Variants in PTPRQ observed in about 807,000 individuals in gnomAD.
PTPRQ encodes the protein protein tyrosine phosphatase receptor type Q.
In PTPRQ, 199 loss-of-function variants were observed where a neutral mutation model predicts 246.0. The observed-to-expected ratio is 0.81, with a 90% CI of 0.72 to 0.91. PTPRQ has a LOEUF of 0.91. Ranked by LOEUF, PTPRQ falls within the 40% of genes least tolerant of loss-of-function variation. The probability of loss-of-function intolerance (pLI) is 0.00; values close to 1 mark genes in which losing one functional copy is unlikely to be tolerated. For missense variants in PTPRQ, 2,624 were observed against 2,528.4 expected (o/e 1.04, Z -0.81); for synonymous variants, 869 against 853.2 (o/e 1.02, Z -0.32).
chr12:80,639,838 T>G (rs1339874508), intron 35 of PTPRQ, among the ~76,000 whole-genome samples: 1 of 152,210 alleles, frequency 6.6e-6, no homozygotes, highest in Non-Finnish European at 1.5e-5. Context: ...ACTCCTGTGT[T>G]AAACTCTGCA....
At position 80,459,560 on chromosome 12, in the gene PTPRQ, A is replaced by G. The variant is rs114961525; in HGVS notation, c.660+77A>G. 964 of 397,380 alleles carry G rather than the reference A, an allele frequency of 2.4e-3. 9 individuals are homozygous for G. The highest frequency in any genetic ancestry group is 0.018 in the African/African-American group (893 of 48,722). 24.6% of individuals were successfully genotyped at this position (397,380 alleles called of 1,614,324 possible). A position where few individuals can be genotyped will look rare whatever the true frequency, so the allele number is the denominator to read the frequency against. On this transcript the variant is annotated intron_variant, in intron 5 of 44. Coordinates refer to ENST00000644991, the MANE Select transcript of PTPRQ (RefSeq NM_001145026.2). ...ATTTTCATATTTCTAGCATCTAGAT[A>G]CTATATTTTTACCAAAGTTTTATTA...
chr12:80,455,296 T>TA (rs1419576732), intron 3 of PTPRQ, among the ~76,000 whole-genome samples: 2 of 152,198 alleles, frequency 1.3e-5, no homozygotes, highest in Admixed American at 1.3e-4. Context: ...GTTAATTATT[T>TA]AAAAAAACTT....
chr12:80,495,363 T>C lies in PTPRQ; in HGVS notation c.1874T>C (p.Leu625Pro), dbSNP rs1475718157. The C allele has an allele frequency of 1.4e-5, 21 of 1,502,624 alleles. No individual in the cohort carries two copies. The East Asian group carries it at 4.7e-4, about 34-fold the overall frequency. The allele number at this position is 1,502,624 out of a possible 1,614,324, so 93.1% of individuals were successfully genotyped here. Residue 625 changes from leucine (L) to proline (P), a missense_variant, in exon 12 of 45, where the codon CTC becomes CCC. By Grantham distance (98) the Leu-to-Pro change is moderately conservative (BLOSUM62 -3). Coordinates refer to ENST00000644991, the MANE Select transcript of PTPRQ (RefSeq NM_001145026.2). ...FQITTIDNSFLITGLKKYTKY... is the reference protein window; with the variant it reads ...FQITTIDNSFPITGLKKYTKY... ...ATAACTACCATAGATAACAGCTTTC[T>C]CATAACAGGTAGAAAACAATGTTTT...
At position 80,546,544 on chromosome 12, in the gene PTPRQ, T is replaced by C; in HGVS notation, c.3874-12T>C. Reference sequence around the variant, plus strand: ...CAGTGCATTAACTAATAACTTTTTTTCTGTTTTTCAGAATATATCAGGATT... The same window carrying C: ...CAGTGCATTAACTAATAACTTTTTTCCTGTTTTTCAGAATATATCAGGATT... On this transcript the variant is annotated splice_polypyrimidine_tract_variant and intron_variant, in intron 23 of 44. Transcript: ENST00000644991. 1.3e-6 allele frequency: 2 copies of C among 1,535,046 alleles called. No individual in the cohort carries two copies. Among genetic ancestry groups the C allele is most frequent in the African/African-American group, 2.8e-5 (2 of 72,122 alleles).
At position 80,493,406 on chromosome 12, in the gene PTPRQ, T is replaced by A. The variant is rs1168925260; in HGVS notation, c.1491T>A (p.Asp497Glu). Residue 497 changes from aspartate (D) to glutamate (E), a missense_variant, in exon 10 of 45, where the codon GAT becomes GAA. Physicochemically the swap from Asp to Glu is conservative, Grantham distance 45. Coordinates refer to ENST00000644991, the MANE Select transcript of PTPRQ (RefSeq NM_001145026.2). ...CATTTATATATAACAGCCATCCAGA[T>A]AAAAACTTTCCTGCAAGGAATAGAG... ...LATFIYNSHP[D>E]KNFPARNRAE... 1.2e-5 allele frequency: 18 copies of A among 1,550,034 alleles called. No homozygotes were observed. Among genetic ancestry groups the A allele is most frequent in the African/African-American group, 2.7e-5 (2 of 72,920 alleles).
At chr12:80,456,473 GATTA>G (rs369689570) in intron 3 of PTPRQ, among the ~76,000 whole-genome samples, 67 of 152,214 alleles carry the variant, frequency 4.4e-4, no homozygotes, top group African/African-American at 1.5e-3. Flanking sequence ...TACACATTCA[GATTA>G]ATTAACATGT....
At chr12:80,642,775 C>T (rs908576330) in intron 35 of PTPRQ, among the ~76,000 whole-genome samples, 2 of 150,728 alleles carry the variant, frequency 1.3e-5, no homozygotes, top group African/African-American at 4.9e-5. Context: ...AAAAAATTAG[C>T]CGGGCGTAGT....
intron 17 of PTPRQ, among the ~76,000 whole-genome samples, chr12:80,532,886 T>TAAATAAC (rs1379413687): frequency 6.6e-6 from 1 of 152,224 alleles, no homozygotes; most frequent in Non-Finnish European, 1.5e-5. Flanking sequence ...TTGGTGCTTC[T>TAAATAAC]GTGGCAGTAA....
chr12:80,647,185 A>G (rs1463473781), intron 35 of PTPRQ, among the ~76,000 whole-genome samples: 1 of 152,170 alleles, frequency 6.6e-6, no homozygotes, highest in Admixed American at 6.5e-5. Context: ...GTCCTTATAT[A>G]GGTGGACTAC....
At chr12:80,635,700 T>C (rs924244733) in intron 35 of PTPRQ, among the ~76,000 whole-genome samples, 9 of 152,100 alleles carry the variant, frequency 5.9e-5, no homozygotes, top group African/African-American at 2.2e-4. Flanking sequence ...ATAAATCCTT[T>C]TAAAAGCATT....
At chr12:80,471,802 A>G (rs12301250) in intron 7 of PTPRQ, among the ~76,000 whole-genome samples, 67 of 152,160 alleles carry the variant, frequency 4.4e-4, no homozygotes, top group Middle Eastern at 3.4e-3. Context: ...TGAACTGATA[A>G]AATTTGATGC....
intron 8 of PTPRQ, among the ~76,000 whole-genome samples, chr12:80,483,466 T>C (rs1462717374): frequency 6.6e-6 from 1 of 150,816 alleles, no homozygotes; most frequent in Non-Finnish European, 1.5e-5. Flanking sequence ...GCGTGGCACA[T>C]GTATACATAT....
chr12:80,455,622 G>T (rs1442839617), intron 3 of PTPRQ, among the ~76,000 whole-genome samples: 1 of 144,278 alleles, frequency 6.9e-6, no homozygotes, highest in Non-Finnish European at 1.5e-5. Context: ...ATGGACTCTC[G>T]CTCTGTCGCC....
chr12:80,601,827 C>A (rs1228062809), intron 26 of PTPRQ, among the ~76,000 whole-genome samples: 1 of 151,760 alleles, frequency 6.6e-6, no homozygotes, highest in Admixed American at 6.6e-5. Flanking sequence ...TAGCTCTCAT[C>A]TGTTATGTAT....
intron 39 of PTPRQ, among the ~76,000 whole-genome samples, chr12:80,667,569 G>A (rs1900826214): frequency 6.6e-6 from 1 of 151,698 alleles, no homozygotes; most frequent in African/African-American, 2.4e-5. Flanking sequence ...ACGAGGGTAG[G>A]AATTTCAGTG....
At chr12:80,579,249 C>T (rs988156751) in intron 25 of PTPRQ, among the ~76,000 whole-genome samples, 9 of 152,114 alleles carry the variant, frequency 5.9e-5, no homozygotes, top group Non-Finnish European at 1.0e-4. Flanking sequence ...TTCTCTGTCA[C>T]CTACTGTAGT....
chr12:80,546,706 C>T lies in PTPRQ; in HGVS notation c.4015+9C>T. The T allele has an allele frequency of 6.5e-7, 1 of 1,545,928 alleles. No individual in the cohort carries two copies. The highest frequency in any genetic ancestry group is 1.2e-5 in the South Asian group (1 of 82,016). On this transcript the variant is annotated intron_variant, in intron 24 of 44. Coordinates refer to ENST00000644991, the MANE Select transcript of PTPRQ (RefSeq NM_001145026.2). ...CACAACCCAAGAATCAGGTTAGATA[C>T]AGTTTTTGAGCCTAAAATGTTTCTT...
intron 9 of PTPRQ, among the ~76,000 whole-genome samples, chr12:80,489,638 A>G (rs1158764650): frequency 6.6e-6 from 1 of 151,934 alleles, no homozygotes; most frequent in Non-Finnish European, 1.5e-5. Flanking sequence ...TGAACACAAT[A>G]TTCTGTATGG....
At chr12:80,585,141 G>C (rs976347837) in intron 25 of PTPRQ, among the ~76,000 whole-genome samples, 2 of 151,956 alleles carry the variant, frequency 1.3e-5, no homozygotes, top group Non-Finnish European at 1.5e-5. Context: ...GGGTGTCTGA[G>C]AGGAATTTCA....
Sources: gnomAD v4.1 joint callset for allele counts (sites outside exome capture counted in the v4.1 genomes callset) on GRCh38, gnomAD v4.1.1 for gene constraint, MANE v1.5 for transcripts, NCBI Gene and HGNC (gene_info 2026-07-23, HGNC 2026-07-21) for gene names.